The following RABL2B variants were observed in gnomAD, a reference collection of about 807,000 sequenced individuals.
RABL2B encodes the protein rab-like protein 2B.
RABL2B carries 17 observed loss-of-function variants against 26.7 expected under a neutral mutation model. The ratio of observed to expected loss-of-function variants is 0.64; its 90% CI spans 0.44 to 0.95. The LOEUF is 0.95. Among genes scored for constraint, RABL2B ranks in the 40% least tolerant of loss-of-function variants. The pLI, the probability that RABL2B is intolerant of heterozygous loss-of-function variation, is 0.00. For missense variants in RABL2B, 170 were observed against 277.2 expected, an observed-to-expected ratio of 0.61 and a Z score of 2.75; for synonymous variants, 70 against 103.9, an observed-to-expected ratio of 0.67 and a Z score of 1.99.
intron 5 of RABL2B, chr22:50,771,917 A>G (rs1300937700): frequency 1.3e-5 from 2 of 152,156 alleles, no homozygotes; most frequent in Admixed American, 6.5e-5. Context: ...GCCTCTTTAA[A>G]TTTTTTTAAA....
At chr22:50,772,578 A>G in intron 5 of RABL2B, 2 of 998,692 alleles carry the variant, frequency 2.0e-6, no homozygotes, top group East Asian at 1.0e-4. Flanking sequence ...TATTTGTGCA[A>G]GCAACACGGT....
rs1308961169 is a variant in RABL2B, at chr22:50,768,819, C to T, written c.647G>A (p.Ser216Asn). The change falls in exon 9 of 9, where the codon AGC becomes AAC. Residue 216 changes from serine to asparagine, a missense_variant. Ser to Asn is a conservative substitution (Grantham distance 46, BLOSUM62 1). Transcript: ENST00000691320. ...CGCCTCCTCTGATGGGGTCTCGATG[C>T]TGCTGCTCTGTTCCTGGTCTGGCAC... Reference protein sequence around the residue: ...EDVPDQEQSSSIETPSEEAAS... With the variant: ...EDVPDQEQSSNIETPSEEAAS... 2 of 1,613,672 alleles carry T rather than the reference C, an allele frequency of 1.2e-6. No individual in the cohort carries two copies. The highest frequency in any genetic ancestry group is 1.3e-5 in the African/African-American group (1 of 74,818).
chr22:50,773,056 A>C, intron 5 of RABL2B: 7 of 1,244,388 alleles, frequency 5.6e-6, no homozygotes, highest in Non-Finnish European at 7.4e-6. Context: ...CCAGGCCTTC[A>C]GAAGAGGGTC....
chr22:50,772,932 T>G, intron 5 of RABL2B: 1 of 1,218,778 alleles, frequency 8.2e-7, no homozygotes, highest in Non-Finnish European at 1.1e-6. Context: ...TCTCTGACCC[T>G]CAGCTCCCCG....
Position 50,767,696 on chromosome 22 carries a change from G to C in RABL2B, c.*1080C>G. ...CTCAGCCTCCCACAGGAGGCACAAG[G>C]TCCAAACTATTCCTCAAAAAAAAGG... On this transcript the variant is annotated 3_prime_UTR_variant, in exon 9 of 9. Transcript: ENST00000691320. 4.4e-6 allele frequency: 2 copies of C among 453,420 alleles called. No individual in the cohort carries two copies. The highest frequency in any genetic ancestry group is 3.1e-5 in the South Asian group (2 of 64,132). 28.1% of individuals were successfully genotyped at this position (453,420 alleles called of 1,614,324 possible). A position where few individuals can be genotyped will look rare whatever the true frequency, so the allele number is the denominator to read the frequency against.
chr22:50,777,898 A>G, intron 3 of RABL2B, 54 bp downstream of exon 3: 1 of 1,613,744 alleles, frequency 6.2e-7, no homozygotes, highest in East Asian at 2.2e-5. Context: ...ACACTGATAC[A>G]TGAGCGTGGG....
intron 4 of RABL2B, among the ~76,000 whole-genome samples, chr22:50,776,239 G>A (rs1490076766): frequency 7.2e-5 from 11 of 152,164 alleles, no homozygotes; most frequent in African/African-American, 1.7e-4. Context: ...CTGTGTGCCC[G>A]GCCAAGGAGA....
intron 3 of RABL2B, 119 bp from the exon 4 acceptor site, chr22:50,776,868 G>T: frequency 6.9e-7 from 1 of 1,456,252 alleles, no homozygotes; most frequent in Non-Finnish European, 9.3e-7. Flanking sequence ...GAGTTATTGA[G>T]ATTTTAAATC....
chr22:50,775,957 A>C (rs1213661163), intron 4 of RABL2B, 106 bp from the exon 5 acceptor site: 5 of 1,068,434 alleles, frequency 4.7e-6, no homozygotes, highest in South Asian at 3.9e-5. Flanking sequence ...GTGAGTGTAC[A>C]TGGGGAGCAC....
Position 50,776,703 on chromosome 22 carries a change from T to C in RABL2B, c.184A>G (p.Thr62Ala). 1 of 1,611,886 alleles carries C rather than the reference T, an allele frequency of 6.2e-7. No homozygotes were observed. The highest frequency in any genetic ancestry group is 1.1e-5 in the South Asian group (1 of 90,456). Residue 62 changes from threonine (T) to alanine (A), a missense_variant, in exon 4 of 9, where the codon ACA becomes GCA. Physicochemically the swap from Thr to Ala is moderately conservative, Grantham distance 58. Coordinates refer to ENST00000691320, the MANE Select transcript of RABL2B (RefSeq NM_001130919.3). The stretch of plus-strand genomic sequence containing the variant: ...ATGGTCCTTCCATCTACCGTGGCTG[T>C]GTGCTTGTACAGGGTCAGGGCGTAC... ...STYALTLYKH[T>A]ATVDGRTILV...
At chr22:50,772,272 G>T in intron 5 of RABL2B, 8 of 966,644 alleles carry the variant, frequency 8.3e-6, no homozygotes, top group Non-Finnish European at 9.8e-6. Flanking sequence ...CAGGTGATCT[G>T]CCCGCCTAGG....
chr22:50,769,354 C>T, intron 7 of RABL2B, 101 bp downstream of exon 7: 7 of 1,612,474 alleles, frequency 4.3e-6, no homozygotes, highest in Middle Eastern at 1.7e-4. Flanking sequence ...ATGCACTGTC[C>T]CGGTTCTCTC....
rs1308159144 is a variant in RABL2B at position 50,774,618 on chromosome 22, T to C, written c.297+1154A>G. On this transcript the variant is annotated intron_variant, in intron 5 of 8. Transcript: ENST00000691320. ...CCCGATCCATCAGAAAATGGTTGTT[T>C]TGTACCGCCAAGTTTTGGGGTTTTG... 2.7e-5 allele frequency among the ~76,000 whole-genome samples: 4 copies of C among 149,612 alleles called. 1 individual carries two copies. The highest frequency in any genetic ancestry group is 5.9e-5 in the Non-Finnish European group (4 of 67,372).
At chr22:50,782,541 G>A (rs1270566301) in intron 1 of RABL2B, among the ~76,000 whole-genome samples, 194 bp from the exon 2 acceptor site, 1 of 152,182 alleles carries the variant, frequency 6.6e-6, no homozygotes, top group Non-Finnish European at 1.5e-5. Context: ...GTTAAGTCCT[G>A]CGCACCCCAA....
intron 2 of RABL2B, among the ~76,000 whole-genome samples, chr22:50,780,397 CTTTTTTT>C (rs149044797): frequency 4.9e-5 from 6 of 122,248 alleles, no homozygotes; most frequent in Non-Finnish European, 8.5e-5. Flanking sequence ...CAAGTGTTAA[CTTTTTTT>C]TTTTTTTTTT....
intron 5 of RABL2B, among the ~76,000 whole-genome samples, chr22:50,770,950 C>G (rs576850171): frequency 8.0e-5 from 12 of 150,060 alleles, no homozygotes; most frequent in East Asian, 7.7e-4. Flanking sequence ...CTATGTTACC[C>G]AGGCTCATCT....
chr22:50,777,275 T>C (rs1209796438), intron 3 of RABL2B, among the ~76,000 whole-genome samples: 3 of 152,094 alleles, frequency 2.0e-5, no homozygotes, highest in Non-Finnish European at 4.4e-5. Flanking sequence ...AGCCGGACAG[T>C]GTAAAAAGCA....
At chr22:50,770,923 G>A (rs1440839416) in intron 5 of RABL2B, among the ~76,000 whole-genome samples, 1 of 128,020 alleles carries the variant, frequency 7.8e-6, no homozygotes, top group Non-Finnish European at 1.7e-5. Context: ...TTTTTTTTTT[G>A]TAGAGGCAGG....
rs2879915 is a variant in RABL2B, at chr22:50,783,624, G to A, written c.-177C>T. 35,925 of 152,156 alleles carry A rather than the reference G, an allele frequency of 0.24. 3,478 individuals carry two copies. The highest frequency in any genetic ancestry group is 0.29 in the Non-Finnish European group (19,888 of 68,188). 9.4% of individuals were successfully genotyped at this position (152,156 alleles called of 1,614,324 possible). A position where few individuals can be genotyped will look rare whatever the true frequency, so the allele number is the denominator to read the frequency against. On this transcript the variant is annotated 5_prime_UTR_variant, in exon 1 of 9. Transcript: ENST00000691320. The stretch of plus-strand genomic sequence containing the variant: ...CCGCCGGCCCAGCTCGCGCCGCAGC[G>A]CACTCCACTTCCGGCTCGGCCCGCG...
Sources: allele counts gnomAD v4.1 joint callset (sites outside exome capture counted in the v4.1 genomes callset), GRCh38; gene constraint gnomAD v4.1.1; transcripts MANE v1.5; gene names NCBI Gene and HGNC (gene_info 2026-07-23, HGNC 2026-07-21).